PCDHA5: variants seen among roughly 807,000 people sequenced by gnomAD.
PCDHA5 encodes protocadherin alpha 5.
In PCDHA5, 43 loss-of-function variants were observed where a neutral mutation model predicts 61.6. That is an observed-to-expected ratio of 0.70 (90% confidence interval 0.55 to 0.90). The LOEUF (loss-of-function observed/expected upper bound fraction) is 0.90. Among genes scored for constraint, PCDHA5 ranks in the 40% least tolerant of loss-of-function variants. The probability of loss-of-function intolerance (pLI) is 0.00; values close to 1 mark genes in which losing one functional copy is unlikely to be tolerated. For synonymous variants in PCDHA5, 627 were observed against 543.9 expected, an observed-to-expected ratio of 1.15 and a Z score of -2.13; for missense variants, 1,298 against 1,222.7, an observed-to-expected ratio of 1.06 and a Z score of -0.92.
intron 1 of PCDHA5, chr5:140,856,747 T>C (rs2044175443): frequency 2.5e-6 from 4 of 1,596,640 alleles, no homozygotes; most frequent in Non-Finnish European, 3.4e-6. Context: ...TGGTGTTAGA[T>C]GCCAATGATA....
intron 1 of PCDHA5, among the ~76,000 whole-genome samples, chr5:140,942,305 G>A (rs2093264176): frequency 6.6e-6 from 1 of 152,106 alleles, no homozygotes; most frequent in Non-Finnish European, 1.5e-5. Context: ...AGCTACTTGG[G>A]AGGTCGAGGC....
intron 1 of PCDHA5, among the ~76,000 whole-genome samples, chr5:140,837,935 T>TC (rs1775325521): frequency 6.6e-6 from 1 of 151,856 alleles, no homozygotes; most frequent in Non-Finnish European, 1.5e-5. Flanking sequence ...TACCTTGGCC[T>TC]CCCAAAGTAT....
In PCDHA5 at chr5:140,919,389, T is replaced by C. The variant is rs1042186256; in HGVS notation, c.2353-59560T>C. 3.9e-5 allele frequency among the ~76,000 whole-genome samples: 6 copies of C among 152,360 alleles called. No homozygotes were observed. The East Asian group carries it at 1.2e-3, about 29-fold the overall frequency. ...CTGCAGACAACACATAGTTGGATGTTGTTTTCCTAAAAACTCTAGACTGAC... is the reference window on the plus strand; with the variant it reads ...CTGCAGACAACACATAGTTGGATGTCGTTTTCCTAAAAACTCTAGACTGAC... On this transcript the variant is annotated intron_variant, in intron 1 of 3. Coordinates refer to ENST00000529859, the MANE Select transcript of PCDHA5 (RefSeq NM_018908.3).
chr5:140,843,489 G>T lies in PCDHA5; in HGVS notation c.2352+19362G>T, dbSNP rs2150361158. On this transcript the variant is annotated intron_variant, in intron 1 of 3. Transcript: ENST00000529859. ...CTGCTGCTGTACACTGCGCTGCGGT[G>T]CTCAGCACTGCCCACTGAGGGCGGG... The T allele has an allele frequency of 1.3e-6, 2 of 1,596,080 alleles. No homozygotes were observed. The highest frequency in any genetic ancestry group is 1.7e-6 in the Non-Finnish European group (2 of 1,165,638).
chr5:140,982,264 TG>T, intron 2 of PCDHA5: 1 of 865,882 alleles, frequency 1.2e-6, no homozygotes, highest in Non-Finnish European at 1.7e-6. Flanking sequence ...TGTGTGTTCC[TG>T]GAATAGTATA....
chr5:140,821,812 C>G lies in PCDHA5; in HGVS notation c.37C>G (p.Leu13Val). The change falls in exon 1 of 4, where the codon CTC (leucine) becomes GTC (valine). Residue 13 changes from leucine to valine, a missense_variant. Physicochemically the swap from Leu to Val is conservative, Grantham distance 32. Coordinates refer to ENST00000529859, the MANE Select transcript of PCDHA5 (RefSeq NM_018908.3). ...CCGGAGAGGAAGTCTGGGATCCCGG[C>G]TCCTGCTGCTCTGGCTTCTCCTTGC... ...YSRRGSLGSRLLLLWLLLAYW... is the reference protein window; with the variant it reads ...YSRRGSLGSRVLLLWLLLAYW... 6 of 1,613,776 alleles carry G rather than the reference C, an allele frequency of 3.7e-6. No individual in the cohort carries two copies. Among genetic ancestry groups the G allele is most frequent in the Non-Finnish European group, 5.1e-6 (6 of 1,179,822 alleles).
intron 1 of PCDHA5, chr5:140,849,713 G>T (rs2150446260): frequency 1.9e-6 from 3 of 1,598,578 alleles, no homozygotes; most frequent in Non-Finnish European, 2.6e-6. Context: ...ATTACTACTC[G>T]TTGGTGCTGG....
chr5:140,924,701 C>A (rs2081959929), intron 1 of PCDHA5, among the ~76,000 whole-genome samples: 1 of 152,008 alleles, frequency 6.6e-6, no homozygotes, highest in African/African-American at 2.4e-5. Flanking sequence ...TCGAGACCAG[C>A]TTGTGCAACA....
intron 1 of PCDHA5, chr5:140,876,344 G>T (rs1554168492): frequency 6.2e-7 from 1 of 1,614,040 alleles, no homozygotes; most frequent in Admixed American, 1.7e-5. Flanking sequence ...AGTGAGAAAT[G>T]TATGTTTTCA....
chr5:140,880,417 G>A (rs1202890717), intron 1 of PCDHA5, among the ~76,000 whole-genome samples: 15 of 152,250 alleles, frequency 9.9e-5, no homozygotes, highest in South Asian at 2.1e-4. Context: ...CCTTAAAAGC[G>A]GGAACAGTTT....
chr5:140,848,422 G>C, intron 1 of PCDHA5: 1 of 1,425,074 alleles, frequency 7.0e-7, no homozygotes, highest in Middle Eastern at 1.8e-4. Flanking sequence ...AGCAGAATGG[G>C]ACTGACGAAA....
intron 1 of PCDHA5, among the ~76,000 whole-genome samples, chr5:140,956,813 T>C (rs1306502330): frequency 6.6e-6 from 1 of 152,176 alleles, no homozygotes; most frequent in African/African-American, 2.4e-5. Context: ...TATTATTGCT[T>C]CAATTTGTAA....
chr5:140,955,701 A>G (rs1381358710), intron 1 of PCDHA5, among the ~76,000 whole-genome samples: 1 of 152,150 alleles, frequency 6.6e-6, no homozygotes, highest in Non-Finnish European at 1.5e-5. Context: ...ATGTCAATGG[A>G]AGTTTAATAG....
In PCDHA5 at chr5:140,869,025, C is replaced by A. The variant is rs1424812323; in HGVS notation, c.2352+44898C>A. 7 of 1,525,592 alleles carry A rather than the reference C, an allele frequency of 4.6e-6. No homozygotes were observed. In the East Asian group the frequency reaches 1.4e-4, roughly 30 times the overall value. The allele number at this position is 1,525,592 out of a possible 1,614,324, so 94.5% of individuals were successfully genotyped here. ...CCTTTGAAACTTCTTAAGAATTCAA[C>A]GAGATTTTTAACCTGAAACTGAAGA... On this transcript the variant is annotated intron_variant, in intron 1 of 3. Transcript: ENST00000529859.
chr5:140,927,939 A>G (rs782391525), intron 1 of PCDHA5: 1 of 1,614,234 alleles, frequency 6.2e-7, no homozygotes, highest in Non-Finnish European at 8.5e-7. Flanking sequence ...CGAACCCAGT[A>G]CCTGAGGACG....
chr5:140,950,536 T>A (rs182006309), intron 1 of PCDHA5, among the ~76,000 whole-genome samples: 1 of 152,222 alleles, frequency 6.6e-6, no homozygotes, highest in East Asian at 1.9e-4. Flanking sequence ...TTTTTGTTGC[T>A]CTTGCATGGC....
At chr5:140,825,053 T>C (rs1768434684) in intron 1 of PCDHA5, 1 of 152,046 alleles carries the variant, frequency 6.6e-6, no homozygotes, top group South Asian at 2.1e-4. Context: ...TTTCACCTCC[T>C]TCATGAAGCC....
At chr5:140,919,510 T>G (rs750733245) in intron 1 of PCDHA5, among the ~76,000 whole-genome samples, 2 of 152,208 alleles carry the variant, frequency 1.3e-5, no homozygotes, top group Non-Finnish European at 2.9e-5. Context: ...TTTTTCTATA[T>G]GTTTTAATTC....
At chr5:140,904,152 C>T (rs782254163) in intron 1 of PCDHA5, among the ~76,000 whole-genome samples, 16 of 152,024 alleles carry the variant, frequency 1.1e-4, no homozygotes, top group Non-Finnish European at 2.2e-4. Context: ...ATACATTGCA[C>T]CCAGTTTGTA....
Sources: allele counts gnomAD v4.1 joint callset (sites outside exome capture counted in the v4.1 genomes callset), GRCh38; gene constraint gnomAD v4.1.1; transcripts MANE v1.5; gene names NCBI Gene and HGNC (gene_info 2026-07-23, HGNC 2026-07-21).